The following SSBP3 variants were observed in gnomAD, a reference collection of about 807,000 sequenced individuals.
SSBP3 encodes single stranded DNA binding protein 3.
In SSBP3, 5 loss-of-function variants were observed where a neutral mutation model predicts 69.6. The ratio of observed to expected loss-of-function variants is 0.07; its 90% CI spans 0.04 to 0.15. The LOEUF is 0.15. Among genes scored for constraint, SSBP3 ranks in the 10% least tolerant of loss-of-function variants. The probability of loss-of-function intolerance (pLI) is 1.00; values close to 1 mark genes in which losing one functional copy is unlikely to be tolerated. For missense variants in SSBP3, 312 were observed against 534.0 expected (o/e 0.58, Z 4.10); for synonymous variants, 196 against 193.4 (o/e 1.01, Z -0.11).
At chr1:54,230,980 C>G (rs990538367) in intron 14 of SSBP3, among the ~76,000 whole-genome samples, 14 of 152,330 alleles carry the variant, frequency 9.2e-5, no homozygotes, top group African/African-American at 2.9e-4. Flanking sequence ...TGTAATGACA[C>G]TCATGTCTGC....
chr1:54,311,312 G>A (rs931723070), intron 4 of SSBP3, among the ~76,000 whole-genome samples: 4 of 152,176 alleles, frequency 2.6e-5, no homozygotes, highest in African/African-American at 9.7e-5. Context: ...AGTGTTCCCT[G>A]CTTCGGAACA....
intron 4 of SSBP3, among the ~76,000 whole-genome samples, chr1:54,355,920 CATT>C (rs982904769): frequency 5.8e-4 from 89 of 152,216 alleles, no homozygotes; most frequent in African/African-American, 2.1e-3. Flanking sequence ...GGCCAGACCC[CATT>C]AACGCAGTGC....
At chr1:54,393,653 G>A (rs1340177095) in intron 4 of SSBP3, among the ~76,000 whole-genome samples, 1 of 152,096 alleles carries the variant, frequency 6.6e-6, no homozygotes, top group Non-Finnish European at 1.5e-5. Context: ...AATTAAAAAA[G>A]AAAAATGACA....
At chr1:54,384,265 T>C (rs998550329) in intron 4 of SSBP3, among the ~76,000 whole-genome samples, 3 of 152,200 alleles carry the variant, frequency 2.0e-5, no homozygotes, top group African/African-American at 7.2e-5. Context: ...TCCATCGATG[T>C]GTCAAAGACC....
intron 4 of SSBP3, among the ~76,000 whole-genome samples, chr1:54,283,991 T>G (rs1022035516): frequency 2.0e-5 from 3 of 152,326 alleles, no homozygotes; most frequent in South Asian, 2.1e-4. Flanking sequence ...GCAAAAAACT[T>G]TTTTTAAAAA....
At chr1:54,273,217 C>G (rs1186198426) in intron 5 of SSBP3, among the ~76,000 whole-genome samples, 1 of 152,248 alleles carries the variant, frequency 6.6e-6, no homozygotes, top group Non-Finnish European at 1.5e-5. Flanking sequence ...GTTCAACTTT[C>G]CATTTCATCA....
At chr1:54,381,316 G>C (rs2100724530) in intron 4 of SSBP3, among the ~76,000 whole-genome samples, 1 of 145,328 alleles carries the variant, frequency 6.9e-6, no homozygotes, top group South Asian at 2.2e-4. Context: ...TCGGGAGGCA[G>C]AGGTTGCAGT....
intron 5 of SSBP3, among the ~76,000 whole-genome samples, chr1:54,271,546 T>TGCCA (rs1041948651): frequency 6.6e-6 from 1 of 152,234 alleles, no homozygotes; most frequent in Non-Finnish European, 1.5e-5. Context: ...AGGATCACAC[T>TGCCA]GCCAGCCAAG....
chr1:54,251,488 C>A (rs972078417), intron 9 of SSBP3, 128 bp downstream of exon 9: 1 of 1,025,308 alleles, frequency 9.8e-7, no homozygotes, highest in Non-Finnish European at 1.5e-6. Context: ...GCAGGGGATG[C>A]GGCCATGCCC....
intron 4 of SSBP3, among the ~76,000 whole-genome samples, chr1:54,350,531 C>T (rs191351572): frequency 2.6e-5 from 4 of 152,314 alleles, no homozygotes; most frequent in Admixed American, 1.3e-4. Context: ...GATTTATACG[C>T]GTATGGCCTT....
At chr1:54,299,282 G>C (rs181038215) in intron 4 of SSBP3, among the ~76,000 whole-genome samples, 1 of 152,208 alleles carries the variant, frequency 6.6e-6, no homozygotes, top group East Asian at 1.9e-4. Context: ...CAAGAATGGA[G>C]CCACCCTGCC....
intron 9 of SSBP3, among the ~76,000 whole-genome samples, chr1:54,245,361 C>T (rs978408492): frequency 6.6e-6 from 1 of 152,200 alleles, no homozygotes; most frequent in Non-Finnish European, 1.5e-5. Context: ...AGGATTTAAG[C>T]CTGGATCTGC....
At chr1:54,245,609 G>A (rs1404114473) in intron 9 of SSBP3, among the ~76,000 whole-genome samples, 1 of 152,184 alleles carries the variant, frequency 6.6e-6, no homozygotes, top group African/African-American at 2.4e-5. Context: ...GGATGCAGAT[G>A]ATCTCAGGAG....
intron 4 of SSBP3, among the ~76,000 whole-genome samples, chr1:54,328,899 G>A (rs905706369): frequency 1.3e-5 from 2 of 152,182 alleles, no homozygotes; most frequent in South Asian, 2.1e-4. Context: ...ACGGTGGAAC[G>A]GGGAGCCAGT....
At chr1:54,276,601 T>A (rs1645290412) in intron 5 of SSBP3, among the ~76,000 whole-genome samples, 3 of 62,860 alleles carry the variant, frequency 4.8e-5, no homozygotes, top group African/African-American at 1.9e-4. Context: ...AGAGTGAGAC[T>A]CTGTCTCAAA....
chr1:54,303,906 T>C (rs1366521044), intron 4 of SSBP3, among the ~76,000 whole-genome samples: 1 of 152,266 alleles, frequency 6.6e-6, no homozygotes, highest in African/African-American at 2.4e-5. Context: ...TACTTTGTTA[T>C]GTGGCTACAA....
At chr1:54,294,402 AG>A (rs898897116) in intron 4 of SSBP3, among the ~76,000 whole-genome samples, 4 of 145,786 alleles carry the variant, frequency 2.7e-5, no homozygotes, top group Non-Finnish European at 6.0e-5. Flanking sequence ...CGACTTGGGC[AG>A]GCCACATCTC....
chr1:54,289,057 A>AC (rs1346421413), intron 4 of SSBP3, among the ~76,000 whole-genome samples: 1 of 129,910 alleles, frequency 7.7e-6, no homozygotes, highest in African/African-American at 3.0e-5. Context: ...AAAAAAAAAA[A>AC]CAGTAATGTC....
chr1:54,396,310 TG>T (rs1280955759), intron 4 of SSBP3, among the ~76,000 whole-genome samples: 3 of 151,998 alleles, frequency 2.0e-5, no homozygotes, highest in Non-Finnish European at 4.4e-5. Flanking sequence ...AAGAAGTTTA[TG>T]TGAATAGTCT....
Sources: gnomAD v4.1 joint callset for allele counts (sites outside exome capture counted in the v4.1 genomes callset) on GRCh38, gnomAD v4.1.1 for gene constraint, MANE v1.5 for transcripts, NCBI Gene and HGNC (gene_info 2026-07-23, HGNC 2026-07-21) for gene names.